The following ARHGAP6 variants were observed in gnomAD, a reference collection of about 807,000 sequenced individuals.
The protein encoded by ARHGAP6 is Rho GTPase activating protein 6.
In ARHGAP6, 16 loss-of-function variants were observed where a neutral mutation model predicts 55.7. That is an observed-to-expected ratio of 0.29 (90% CI 0.19 to 0.44). The LOEUF (loss-of-function observed/expected upper bound fraction) is 0.44. Ranked by LOEUF, ARHGAP6 falls within the 20% of genes least tolerant of loss-of-function variation. The probability of loss-of-function intolerance (pLI) is 1.00; values close to 1 mark genes in which losing one functional copy is unlikely to be tolerated. For synonymous variants in ARHGAP6, 382 were observed against 360.9 expected (o/e 1.06, Z -0.66); for missense variants, 698 against 808.9 (o/e 0.86, Z 1.66).
chrX:11,447,678 G>C (rs944365205), intron 1 of ARHGAP6, among the ~76,000 whole-genome samples: 6 of 111,823 alleles, frequency 5.4e-5, no homozygotes, highest in African/African-American at 1.6e-4. Flanking sequence ...TTTTACACAG[G>C]GGTACTTGTA....
intron 1 of ARHGAP6, among the ~76,000 whole-genome samples, chrX:11,506,957 GC>G (rs984382230): frequency 1.8e-5 from 2 of 111,822 alleles, no homozygotes; most frequent in African/African-American, 6.5e-5. Flanking sequence ...GTATCTCATT[GC>G]GGTTTTGATT....
chrX:11,445,037 C>A (rs1430771758), intron 1 of ARHGAP6, among the ~76,000 whole-genome samples: 1 of 112,483 alleles, frequency 8.9e-6, no homozygotes, highest in Non-Finnish European at 1.9e-5. Context: ...CCCAGCAATA[C>A]TGTGATTGTA....
At chrX:11,253,308 T>C (rs1477001863) in intron 2 of ARHGAP6, among the ~76,000 whole-genome samples, 2 of 111,209 alleles carry the variant, frequency 1.8e-5, no homozygotes, top group Non-Finnish European at 3.8e-5. Context: ...TGTGTATACA[T>C]ATATATGCAC....
At position 11,664,946 on chromosome X, in the gene ARHGAP6, G is replaced by T; in HGVS notation, c.-118C>A. ...GCCAGGCGGGGCTGGCCCGGGGTTT[G>T]CCCAGGGCAGTGGAGAGCAAAGCCC... On this transcript the variant is annotated 5_prime_UTR_variant, in exon 1 of 13. Coordinates refer to ENST00000337414, the MANE Select transcript of ARHGAP6 (RefSeq NM_013427.3). 1.3e-6 allele frequency: 1 copy of T among 769,865 alleles called. No individual in the cohort carries two copies. Among genetic ancestry groups the T allele is most frequent in the Non-Finnish European group, 1.8e-6 (1 of 552,449 alleles). The allele number at this position is 769,865 out of a possible 1,213,427, so 63.4% of individuals were successfully genotyped here.
At chrX:11,256,049 C>T (rs1438461502) in intron 1 of ARHGAP6, among the ~76,000 whole-genome samples, 4 of 110,942 alleles carry the variant, frequency 3.6e-5, no homozygotes, top group African/African-American at 1.3e-4. Flanking sequence ...GGACTCATTG[C>T]AATAAATGGA....
chrX:11,486,296 A>C (rs930381023), intron 1 of ARHGAP6, among the ~76,000 whole-genome samples: 18 of 111,996 alleles, frequency 1.6e-4, no homozygotes, highest in Admixed American at 1.5e-3. Context: ...GCCAAGAGAA[A>C]ATAATTTTTT....
chrX:11,274,109 C>T (rs905281870), intron 1 of ARHGAP6, among the ~76,000 whole-genome samples: 1 of 111,538 alleles, frequency 9.0e-6, no homozygotes, highest in Non-Finnish European at 1.9e-5. Flanking sequence ...GCACCTTGCT[C>T]TCCTACTCAA....
At chrX:11,411,163 G>A (rs1008456833) in intron 1 of ARHGAP6, among the ~76,000 whole-genome samples, 1 of 73,756 alleles carries the variant, frequency 1.4e-5, no homozygotes, top group Non-Finnish European at 2.5e-5. Context: ...TATTGGGCCT[G>A]TGTCACTGGC....
intron 1 of ARHGAP6, chrX:11,290,329 T>C: frequency 3.0e-6 from 1 of 328,222 alleles, no homozygotes; most frequent in South Asian, 3.1e-5. Context: ...CTACTTTGTA[T>C]AAGAGCTTTT....
intron 1 of ARHGAP6, among the ~76,000 whole-genome samples, chrX:11,550,358 T>G (rs774523823): frequency 8.9e-6 from 1 of 112,139 alleles, no homozygotes; most frequent in African/African-American, 3.2e-5. Context: ...AATAAGAATG[T>G]GTATTTGAAT....
chrX:11,508,056 G>A (rs1370811533), intron 1 of ARHGAP6, among the ~76,000 whole-genome samples: 1 of 112,234 alleles, frequency 8.9e-6, no homozygotes, highest in African/African-American at 3.2e-5. Flanking sequence ...AAGGTACAAG[G>A]AAAGAAAAGT....
At chrX:11,402,528 C>T (rs1432200956) in intron 1 of ARHGAP6, among the ~76,000 whole-genome samples, 1 of 111,305 alleles carries the variant, frequency 9.0e-6, no homozygotes, top group Non-Finnish European at 1.9e-5. Flanking sequence ...CACAACTATG[C>T]TTGTATAGAG....
At chrX:11,459,492 G>T (rs942277292) in intron 1 of ARHGAP6, among the ~76,000 whole-genome samples, 1 of 111,485 alleles carries the variant, frequency 9.0e-6, no homozygotes, top group Non-Finnish European at 1.9e-5. Context: ...GGTGGGAGTT[G>T]GGGTTGTAGA....
chrX:11,344,678 C>CAAAAAAAAAAAAAAAAAAAAAAAAA (rs34123570), intron 1 of ARHGAP6, among the ~76,000 whole-genome samples: 4 of 28,264 alleles, frequency 1.4e-4, no homozygotes, highest in Non-Finnish European at 1.7e-4. Context: ...AACTCCATCA[C>CAAAAAAAAAAAAAAAAAAAAAAAAA]AAAAAAAAAA....
At chrX:11,360,489 T>A (rs1407057711) in intron 1 of ARHGAP6, among the ~76,000 whole-genome samples, 7 of 109,229 alleles carry the variant, frequency 6.4e-5, no homozygotes, top group Non-Finnish European at 1.1e-4. Context: ...ATAAATTAGG[T>A]ATTGATGGGA....
chrX:11,625,580 A>C (rs2052288406), intron 1 of ARHGAP6, among the ~76,000 whole-genome samples: 1 of 111,511 alleles, frequency 9.0e-6, no homozygotes, highest in Non-Finnish European at 1.9e-5. Context: ...AATAAATACA[A>C]AAATAAAGTT....
intron 1 of ARHGAP6, among the ~76,000 whole-genome samples, chrX:11,278,842 A>AT (rs1245315014): frequency 9.0e-6 from 1 of 110,712 alleles, no homozygotes; most frequent in Non-Finnish European, 1.9e-5. Flanking sequence ...ACCTCCTTCT[A>AT]TTTTTTATTT....
chrX:11,601,095 C>T (rs1429374768), intron 1 of ARHGAP6, among the ~76,000 whole-genome samples: 1 of 111,779 alleles, frequency 8.9e-6, no homozygotes, highest in Admixed American at 9.5e-5. Flanking sequence ...TCAGACCATA[C>T]AGGAATGGTG....
At chrX:11,226,206 T>C (rs1250420782) in intron 2 of ARHGAP6, among the ~76,000 whole-genome samples, 2 of 102,317 alleles carry the variant, frequency 2.0e-5, no homozygotes, top group Admixed American at 1.1e-4. Flanking sequence ...TGTGATCTCA[T>C]TGTTCAATTC....
Sources: allele counts gnomAD v4.1 joint callset (sites outside exome capture counted in the v4.1 genomes callset), GRCh38; gene constraint gnomAD v4.1.1; transcripts MANE v1.5; gene names NCBI Gene and HGNC (gene_info 2026-07-23, HGNC 2026-07-21).